THSD7A: variants seen among roughly 807,000 people sequenced by gnomAD.
The protein encoded by THSD7A is thrombospondin type 1 domain containing 7A, also known as thrombospondin type-1 domain-containing protein 7A.
THSD7A carries 96 observed loss-of-function variants against 231.3 expected under a neutral mutation model. The observed-to-expected ratio is 0.41, with a 90% CI of 0.35 to 0.49. The LOEUF (loss-of-function observed/expected upper bound fraction) is 0.49, where lower values mean the gene tolerates loss of function less well. Among genes scored for constraint, THSD7A ranks in the 20% least tolerant of loss-of-function variants. The pLI, the probability that THSD7A is intolerant of heterozygous loss-of-function variation, is 0.05. For synonymous variants in THSD7A, 940 were observed against 743.3 expected (o/e 1.26, Z -4.30); for missense variants, 2,290 against 2,070.2 (o/e 1.11, Z -2.06).
chr7:11,615,895 A>C (rs1024346637), intron 2 of THSD7A, among the ~76,000 whole-genome samples: 2 of 152,182 alleles, frequency 1.3e-5, no homozygotes, highest in Admixed American at 6.5e-5. Context: ...ACTCAGATTT[A>C]GATAATATTT....
At chr7:11,743,383 T>C (rs888751879) in intron 1 of THSD7A, among the ~76,000 whole-genome samples, 2 of 151,852 alleles carry the variant, frequency 1.3e-5, no homozygotes, top group Non-Finnish European at 2.9e-5. Context: ...ACCTGAGACA[T>C]CAAATTTACA....
chr7:11,598,605 C>G, intron 2 of THSD7A, among the ~76,000 whole-genome samples: 1 of 152,178 alleles, frequency 6.6e-6, no homozygotes, highest in East Asian at 1.9e-4. Flanking sequence ...ACAATTACAA[C>G]GTAAACAAGG....
intron 23 of THSD7A, among the ~76,000 whole-genome samples, chr7:11,386,814 G>A (rs1283966357): frequency 1.3e-5 from 2 of 152,104 alleles, no homozygotes; most frequent in Non-Finnish European, 2.9e-5. Flanking sequence ...GTATTGCCTA[G>A]GTTTTCTTCT....
chr7:11,459,840 C>T (rs1785438823), intron 11 of THSD7A, among the ~76,000 whole-genome samples: 1 of 151,726 alleles, frequency 6.6e-6, no homozygotes, highest in African/African-American at 2.4e-5. Flanking sequence ...TACGTAACTA[C>T]ACATGGGAGA....
chr7:11,696,588 T>C (rs1241998616), intron 1 of THSD7A, among the ~76,000 whole-genome samples: 1 of 150,768 alleles, frequency 6.6e-6, no homozygotes, highest in Non-Finnish European at 1.5e-5. Context: ...CCCTCGCCTA[T>C]CCCCCTCCCC....
At chr7:11,658,836 T>C (rs1584162297) in intron 1 of THSD7A, among the ~76,000 whole-genome samples, 2 of 151,824 alleles carry the variant, frequency 1.3e-5, no homozygotes, top group East Asian at 3.9e-4. Context: ...ATATAAGTTT[T>C]GTTTCTCTTG....
chr7:11,641,971 C>G (rs935156008), intron 1 of THSD7A, among the ~76,000 whole-genome samples: 1 of 151,930 alleles, frequency 6.6e-6, no homozygotes, highest in Non-Finnish European at 1.5e-5. Context: ...GAAAAGAGAC[C>G]AAATTGAATA....
intron 1 of THSD7A, among the ~76,000 whole-genome samples, chr7:11,668,670 T>C (rs1783252958): frequency 6.6e-6 from 1 of 152,138 alleles, no homozygotes; most frequent in Non-Finnish European, 1.5e-5. Context: ...TAAATGGGTC[T>C]GCCCTAGAGA....
chr7:11,437,407 A>G (rs1784667061), intron 13 of THSD7A, among the ~76,000 whole-genome samples: 2 of 152,030 alleles, frequency 1.3e-5, no homozygotes, highest in African/African-American at 2.4e-5. Flanking sequence ...GTATCCTTAG[A>G]TGCTCTTTCC....
chr7:11,503,064 C>T (rs566919354), intron 6 of THSD7A, among the ~76,000 whole-genome samples: 1 of 152,254 alleles, frequency 6.6e-6, no homozygotes, highest in African/African-American at 2.4e-5. Context: ...TCAAACTATA[C>T]TACAAGGCTT....
At chr7:11,610,069 T>C (rs1272498369) in intron 2 of THSD7A, among the ~76,000 whole-genome samples, 2 of 152,150 alleles carry the variant, frequency 1.3e-5, no homozygotes, top group Admixed American at 6.5e-5. Context: ...ATGTTTGATA[T>C]GAAGATGATA....
At chr7:11,457,827 C>T (rs895499346) in intron 11 of THSD7A, among the ~76,000 whole-genome samples, 1 of 152,056 alleles carries the variant, frequency 6.6e-6, no homozygotes, top group Non-Finnish European at 1.5e-5. Flanking sequence ...TTTATCCTCT[C>T]TACTTCTTCT....
chr7:11,810,811 G>A (rs1195563150), intron 1 of THSD7A, among the ~76,000 whole-genome samples: 1 of 152,102 alleles, frequency 6.6e-6, no homozygotes, highest in Non-Finnish European at 1.5e-5. Context: ...GAGTAGAATG[G>A]TAAGAGTCTC....
chr7:11,477,403 A>G (rs1041951270), intron 7 of THSD7A, among the ~76,000 whole-genome samples: 4 of 152,148 alleles, frequency 2.6e-5, no homozygotes, highest in African/African-American at 9.7e-5. Context: ...AGGACACAAG[A>G]TTTTGGTTTG....
At chr7:11,400,975 TATTGCTTAC>T (rs1269422756) in intron 23 of THSD7A, among the ~76,000 whole-genome samples, 1 of 152,196 alleles carries the variant, frequency 6.6e-6, no homozygotes, top group Non-Finnish European at 1.5e-5. Flanking sequence ...CTTGAAGATG[TATTGCTTAC>T]ATTGAGTGAA....
rs775526247 is a variant in THSD7A, at chr7:11,406,375, A to C, written c.4162T>G (p.Cys1388Gly). 1 of 1,613,982 alleles carries C rather than the reference A, an allele frequency of 6.2e-7. No homozygotes were observed. The highest frequency in any genetic ancestry group is 8.5e-7 in the Non-Finnish European group (1 of 1,179,856). Residue 1388 changes from cysteine (C) to glycine (G), a missense_variant, in exon 22 of 28, where the codon TGT (cysteine) becomes GGT (glycine). Transcript: ENST00000423059. This position sits in a 1 kb window ranked among gnomAD's most constrained non-coding sequence, Gnocchi z 4.7. ...DFSKVVDEEFCADIELIIDGN... is the reference protein window; with the variant it reads ...DFSKVVDEEFGADIELIIDGN... ...TCTATAATGAGTTCAATGTCAGCAC[A>C]GAATTCCTCATCCACCACTTTGCTG...
At chr7:11,694,750 AT>A (rs147451714) in intron 1 of THSD7A, among the ~76,000 whole-genome samples, 14,805 of 151,616 alleles carry the variant, frequency 0.098, 893 homozygotes, top group South Asian at 0.15. Context: ...AATATGCAAT[AT>A]GCTTCCTATT....
Position 11,481,935 on chromosome 7 carries a change from G to A in THSD7A, c.1870C>T (p.Pro624Ser), listed in dbSNP as rs762771726. Reference protein sequence around the residue: ...QLCRDAIFPIPVACDAPCPKD... With the variant: ...QLCRDAIFPISVACDAPCPKD... ...GGGCATGGGGCATCACAGGCCACAGGGATGGGGAAGATGGCATCTCTGCAC... is the reference window on the plus strand; with the variant it reads ...GGGCATGGGGCATCACAGGCCACAGAGATGGGGAAGATGGCATCTCTGCAC... Residue 624 changes from proline to serine, a missense_variant, in exon 7 of 28, where the codon CCT (proline) becomes TCT (serine). By Grantham distance (74) the Pro-to-Ser change is moderately conservative. Transcript: ENST00000423059. The A allele has an allele frequency of 1.3e-5, 21 of 1,613,542 alleles. No homozygotes were observed. The highest frequency in any genetic ancestry group is 1.7e-5 in the Admixed American group (1 of 59,990).
At chr7:11,457,281 G>A (rs1293775645) in intron 11 of THSD7A, among the ~76,000 whole-genome samples, 1 of 151,842 alleles carries the variant, frequency 6.6e-6, no homozygotes, top group African/African-American at 2.4e-5. Context: ...AATATAAACT[G>A]TATAAAATAT....
Sources: gnomAD v4.1 joint callset for allele counts (sites outside exome capture counted in the v4.1 genomes callset) on GRCh38, gnomAD v4.1.1 for gene constraint, Gnocchi (gnomAD v3.1) non-coding constraint, MANE v1.5 for transcripts, NCBI Gene and HGNC (gene_info 2026-07-23, HGNC 2026-07-21) for gene names.